The following CACNA2D3 variants were observed in gnomAD, a reference collection of about 807,000 sequenced individuals.
CACNA2D3 encodes the protein calcium voltage-gated channel auxiliary subunit alpha2delta 3.
CACNA2D3 carries 60 observed loss-of-function variants against 160.6 expected under a neutral mutation model. The ratio of observed to expected loss-of-function variants is 0.37; its 90% CI spans 0.30 to 0.46. The LOEUF (loss-of-function observed/expected upper bound fraction) is 0.46, where lower values mean the gene tolerates loss of function less well. CACNA2D3 is among the 20% of genes least tolerant of loss of function. The pLI is 1.00. For synonymous variants in CACNA2D3, 558 were observed against 492.9 expected (o/e 1.13, Z -1.75); for missense variants, 1,205 against 1,365.0 (o/e 0.88, Z 1.85).
chr3:54,461,837 T>C (rs372740597), intron 4 of CACNA2D3, among the ~76,000 whole-genome samples: 10 of 152,090 alleles, frequency 6.6e-5, no homozygotes, highest in Admixed American at 2.0e-4. Flanking sequence ...TGTGTTTGCT[T>C]TTGCTTTTCT....
intron 2 of CACNA2D3, among the ~76,000 whole-genome samples, chr3:54,311,304 G>A (rs545236524): frequency 1.3e-5 from 2 of 152,182 alleles, no homozygotes; most frequent in South Asian, 2.1e-4. Flanking sequence ...TCTCCCCTCC[G>A]CATCTCTCCT....
chr3:54,703,340 T>C (rs1228788237), intron 11 of CACNA2D3, among the ~76,000 whole-genome samples: 2 of 152,166 alleles, frequency 1.3e-5, no homozygotes. Flanking sequence ...TTTTATCCAT[T>C]TGGAGCTAGA....
intron 3 of CACNA2D3, chr3:54,367,714 C>T (rs1698851123): frequency 5.9e-6 from 1 of 169,620 alleles, no homozygotes; most frequent in Non-Finnish European, 1.3e-5. Flanking sequence ...CTCACATGAA[C>T]TTATTTTAAA....
At chr3:54,718,692 A>G (rs575916605) in intron 11 of CACNA2D3, among the ~76,000 whole-genome samples, 11 of 152,162 alleles carry the variant, frequency 7.2e-5, no homozygotes, top group South Asian at 2.1e-4. Flanking sequence ...TTTAGAGTCA[A>G]TTTATTGATT....
chr3:54,637,405 T>C (rs180710270), intron 10 of CACNA2D3, among the ~76,000 whole-genome samples: 1 of 151,852 alleles, frequency 6.6e-6, no homozygotes, highest in East Asian at 1.9e-4. Context: ...CAATGAGATA[T>C]AGCTGTAGTC....
intron 2 of CACNA2D3, among the ~76,000 whole-genome samples, chr3:54,243,006 G>C (rs1031588255): frequency 6.6e-6 from 1 of 152,220 alleles, no homozygotes; most frequent in African/African-American, 2.4e-5. Flanking sequence ...CTTCTCAATA[G>C]CAGAGATACA....
intron 18 of CACNA2D3, among the ~76,000 whole-genome samples, chr3:54,872,193 C>CA (rs1373589639): frequency 6.6e-6 from 1 of 152,166 alleles, no homozygotes; most frequent in Non-Finnish European, 1.5e-5. Flanking sequence ...CATGCTTTTT[C>CA]CCCACGTAGA....
chr3:54,160,315 A>G lies in CACNA2D3; in HGVS notation c.204+36721A>G, dbSNP rs528534250. 2.5e-3 allele frequency among the ~76,000 whole-genome samples: 380 copies of G among 152,308 alleles called. 3 individuals are homozygous for G. Among genetic ancestry groups the G allele is most frequent in the African/African-American group, 9.0e-3 (373 of 41,558 alleles). ...GGAGTTCGAGACCAGCCTGGCCAACATGGCAAAACCCTATCTCTACTAAAA... is the reference window on the plus strand; with the variant it reads ...GGAGTTCGAGACCAGCCTGGCCAACGTGGCAAAACCCTATCTCTACTAAAA... On this transcript the variant is annotated intron_variant, in intron 2 of 37. Coordinates refer to ENST00000474759, the MANE Select transcript of CACNA2D3 (RefSeq NM_018398.3).
chr3:54,968,632 G>A (rs1702206691), intron 28 of CACNA2D3, 121 bp downstream of exon 28: 6 of 705,866 alleles, frequency 8.5e-6, no homozygotes, highest in Admixed American at 4.4e-5. Flanking sequence ...ATCAACTGCC[G>A]GCTGCTCAGA....
At chr3:54,779,894 A>C (rs1047279050) in intron 13 of CACNA2D3, among the ~76,000 whole-genome samples, 2 of 152,154 alleles carry the variant, frequency 1.3e-5, no homozygotes, top group African/African-American at 4.8e-5. Context: ...TCTCTTGAAC[A>C]GTAGCGTAAG....
chr3:54,981,264 G>A (rs1199982866), intron 29 of CACNA2D3, among the ~76,000 whole-genome samples: 1 of 152,092 alleles, frequency 6.6e-6, no homozygotes, highest in Non-Finnish European at 1.5e-5. Context: ...GTGGTTTTAT[G>A]GGAGTCCTAG....
chr3:54,884,916 C>G (rs1040266725), intron 21 of CACNA2D3, among the ~76,000 whole-genome samples: 11 of 152,114 alleles, frequency 7.2e-5, no homozygotes, highest in African/African-American at 2.7e-4. Flanking sequence ...GGTCAGTGGC[C>G]TAGCCCGGTT....
intron 35 of CACNA2D3, among the ~76,000 whole-genome samples, chr3:55,034,772 A>G (rs1293492506): frequency 2.0e-5 from 3 of 152,154 alleles, no homozygotes; most frequent in African/African-American, 7.2e-5. Flanking sequence ...ACCACACAGT[A>G]TGTGGATTTA....
chr3:54,993,516 A>T (rs899172788), intron 31 of CACNA2D3, among the ~76,000 whole-genome samples: 1 of 152,220 alleles, frequency 6.6e-6, no homozygotes, highest in African/African-American at 2.4e-5. Context: ...CCGAAGGGAA[A>T]GTTGAAATGA....
At chr3:54,345,838 T>A (rs1400796630) in intron 3 of CACNA2D3, among the ~76,000 whole-genome samples, 2 of 144,006 alleles carry the variant, frequency 1.4e-5, no homozygotes, top group East Asian at 4.7e-4. Context: ...ATGCTCTTTT[T>A]TTTTTTTAAA....
chr3:54,528,049 A>T (rs1300690817), intron 5 of CACNA2D3, among the ~76,000 whole-genome samples: 4 of 152,120 alleles, frequency 2.6e-5, no homozygotes, highest in Non-Finnish European at 5.9e-5. Flanking sequence ...GAAATGTTTA[A>T]GTTCTCAAGA....
At chr3:54,595,900 A>G (rs1702944919) in intron 9 of CACNA2D3, among the ~76,000 whole-genome samples, 3 of 152,112 alleles carry the variant, frequency 2.0e-5, no homozygotes, top group Admixed American at 6.5e-5. Context: ...TCCATTCACT[A>G]CTTGGACTAC....
At chr3:54,969,885 G>T in intron 29 of CACNA2D3, 41 bp downstream of exon 29, 1 of 1,571,118 alleles carries the variant, frequency 6.4e-7, no homozygotes. Flanking sequence ...CCTGTGGATA[G>T]AAGGTGACAG....
chr3:54,712,603 A>G (rs1314902368), intron 11 of CACNA2D3, among the ~76,000 whole-genome samples: 1 of 152,254 alleles, frequency 6.6e-6, no homozygotes. Context: ...CTCTCCAGCC[A>G]CGTGGAACTG....
Sources: gnomAD v4.1 joint callset for allele counts (sites outside exome capture counted in the v4.1 genomes callset) on GRCh38, gnomAD v4.1.1 for gene constraint, MANE v1.5 for transcripts, NCBI Gene and HGNC (gene_info 2026-07-23, HGNC 2026-07-21) for gene names.